USP34: variants seen among roughly 807,000 people sequenced by gnomAD.
USP34 encodes ubiquitin carboxyl-terminal hydrolase 34.
USP34 carries 70 observed loss-of-function variants against 460.3 expected under a neutral mutation model. That is an observed-to-expected ratio of 0.15 (90% CI 0.13 to 0.19). The LOEUF (loss-of-function observed/expected upper bound fraction) is 0.19, where lower values mean the gene tolerates loss of function less well. Ranked by LOEUF, USP34 falls within the 10% of genes least tolerant of loss-of-function variation. USP34 has a pLI of 1.00. For synonymous variants in USP34, 1,647 were observed against 1,405.3 expected (o/e 1.17, Z -3.85); for missense variants, 3,985 against 4,236.2 (o/e 0.94, Z 1.65).
rs372057960 is a variant in USP34, at chr2:61,301,020, A to T, written c.4059T>A (p.Leu1353=). The change falls in exon 29 of 80, where the codon CTT becomes CTA. Residue 1353 remains leucine, a synonymous_variant. Transcript: ENST00000398571. ...LLLQEPHLTT[L]FDLLEMLASF... The stretch of plus-strand genomic sequence containing the variant: ...ATGCAAGCATCTCTAATAAATCAAA[A>T]AGAGTAGTTAAATGAGGCTCTTGTA... 1.2e-6 allele frequency: 2 copies of T among 1,614,030 alleles called. No homozygotes were observed. Among genetic ancestry groups the T allele is most frequent in the African/African-American group, 1.3e-5 (1 of 75,030 alleles).
At chr2:61,298,956 T>C (rs896039811) in intron 29 of USP34, among the ~76,000 whole-genome samples, 8 of 151,998 alleles carry the variant, frequency 5.3e-5, no homozygotes, top group Non-Finnish European at 1.0e-4. Flanking sequence ...TGGACCCAAT[T>C]TGAACAACTC....
At chr2:61,190,117 G>A (rs1686587575) in intron 78 of USP34, 154 bp downstream of exon 78, 1 of 949,326 alleles carries the variant, frequency 1.1e-6, no homozygotes, top group Non-Finnish European at 1.5e-6. Context: ...ACAAGGCATA[G>A]TAAACGTGTA....
intron 1 of USP34, among the ~76,000 whole-genome samples, chr2:61,430,603 C>T (rs1325799837): frequency 6.6e-6 from 1 of 152,100 alleles, no homozygotes; most frequent in Non-Finnish European, 1.5e-5. Flanking sequence ...TTACAATAGA[C>T]TAACCTTATT....
chr2:61,349,408 T>TCC (rs1205595404), intron 12 of USP34, 123 bp from the exon 13 acceptor site: 8 of 934,766 alleles, frequency 8.6e-6, no homozygotes, highest in Non-Finnish European at 9.6e-6. Context: ...GCAATAAGGT[T>TCC]AAGTCCCCAC....
intron 18 of USP34, among the ~76,000 whole-genome samples, chr2:61,334,583 C>T (rs1351174454): frequency 1.3e-5 from 2 of 152,082 alleles, no homozygotes; most frequent in Non-Finnish European, 2.9e-5. Flanking sequence ...GCCAATACTG[C>T]TTCATGAAAA....
chr2:61,389,597 T>C (rs936624078), intron 5 of USP34, among the ~76,000 whole-genome samples: 1 of 152,106 alleles, frequency 6.6e-6, no homozygotes, highest in East Asian at 1.9e-4. Context: ...GAAAACAAAA[T>C]TACATACTAT....
In USP34 at chr2:61,220,312, G is replaced by A; in HGVS notation, c.8045C>T (p.Thr2682Ile). 6.2e-7 allele frequency: 1 copy of A among 1,605,756 alleles called. No homozygotes were observed. Among genetic ancestry groups the A allele is most frequent in the Non-Finnish European group, 8.5e-7 (1 of 1,177,238 alleles). ...LLAHNYPRVR[T>I]SAAYLLVSLI... Reference sequence around the variant, plus strand: ...GAAATTCTAAATATTTGACTTACAAGTCCTCACTCTAGGATAATTGTGAGC... The same window carrying A: ...GAAATTCTAAATATTTGACTTACAAATCCTCACTCTAGGATAATTGTGAGC... Residue 2682 changes from threonine to isoleucine, a missense_variant and splice_region_variant, in exon 67 of 80, where the codon ACT becomes ATT. By Grantham distance (89) the Thr-to-Ile change is moderately conservative. This residue lies in a region of USP34 where 604 missense variants were observed against 684.8 expected (regional missense o/e 0.88). Coordinates refer to ENST00000398571, the MANE Select transcript of USP34 (RefSeq NM_014709.4).
rs983650280 is a variant in USP34 at position 61,229,689 on chromosome 2, GA to G, written c.7114-57del. ...CCAACTCATCAGGTAACAAAGATTT[GA>G]AAAATTAACATGATTCAAAATTCTC... On this transcript the variant is annotated intron_variant, in intron 58 of 79. Transcript: ENST00000398571. 9.6e-6 allele frequency: 14 copies of G among 1,458,484 alleles called. No homozygotes were observed. In the African/African-American group the frequency reaches 1.7e-4, roughly 18 times the overall value. The allele number at this position is 1,458,484 out of a possible 1,614,324, so 90.3% of individuals were successfully genotyped here. A position where few individuals can be genotyped will look rare whatever the true frequency, so the allele number is the denominator to read the frequency against.
intron 1 of USP34, among the ~76,000 whole-genome samples, chr2:61,450,472 G>A (rs746328295): frequency 1.6e-4 from 25 of 152,038 alleles, no homozygotes; most frequent in Non-Finnish European, 2.1e-4. Flanking sequence ...AATTATTTTC[G>A]CACCAACCCA....
At chr2:61,329,521 A>T (rs1572940022) in intron 20 of USP34, among the ~76,000 whole-genome samples, 1 of 152,310 alleles carries the variant, frequency 6.6e-6, no homozygotes, top group Non-Finnish European at 1.5e-5. Context: ...GTAAATAGAA[A>T]TACCCCAGAA....
chr2:61,455,052 T>C (rs999697255), intron 1 of USP34, among the ~76,000 whole-genome samples: 1 of 151,762 alleles, frequency 6.6e-6, no homozygotes, highest in African/African-American at 2.4e-5. Flanking sequence ...AAGCTAATTT[T>C]TGTATTTTTA....
At chr2:61,288,923 G>T (rs756471065) in intron 33 of USP34, 46 bp from the exon 34 acceptor site, 10 of 1,578,292 alleles carry the variant, frequency 6.3e-6, no homozygotes, top group Non-Finnish European at 3.5e-6. Flanking sequence ...CATTAATTTA[G>T]AATGGCCACA....
chr2:61,449,098 G>A (rs574223402), intron 1 of USP34, among the ~76,000 whole-genome samples: 46 of 151,936 alleles, frequency 3.0e-4, no homozygotes, highest in Non-Finnish European at 5.6e-4. Context: ...TGGATGTTGC[G>A]GTGAGCCAAG....
At position 61,436,658 on chromosome 2, in the gene USP34, T is replaced by G. The variant is rs184350515; in HGVS notation, c.44-15825A>C. Among the ~76,000 whole-genome samples, 208 of 152,266 alleles carry G rather than the reference T, an allele frequency of 1.4e-3. No homozygotes were observed. The Middle Eastern group carries it at 0.024, about 17-fold the overall frequency. ...CTAGACAGAATATAACAAAGAAACATAGTTTTCAACTGCATCATAGACCAA... is the reference window on the plus strand; with the variant it reads ...CTAGACAGAATATAACAAAGAAACAGAGTTTTCAACTGCATCATAGACCAA... On this transcript the variant is annotated intron_variant, in intron 1 of 79. Coordinates refer to ENST00000398571, the MANE Select transcript of USP34 (RefSeq NM_014709.4).
At chr2:61,442,099 C>T (rs1478499391) in intron 1 of USP34, among the ~76,000 whole-genome samples, 1 of 152,062 alleles carries the variant, frequency 6.6e-6, no homozygotes, top group Non-Finnish European at 1.5e-5. Context: ...TATACCCTCA[C>T]TCCTCTACAT....
intron 1 of USP34, among the ~76,000 whole-genome samples, chr2:61,438,314 T>TAA (rs946917593): frequency 6.7e-6 from 1 of 148,880 alleles, no homozygotes; most frequent in African/African-American, 2.5e-5. Context: ...CATTCGTGAT[T>TAA]AAAAAAAAAA....
chr2:61,302,241 T>A (rs553071626), intron 27 of USP34, among the ~76,000 whole-genome samples: 2 of 152,238 alleles, frequency 1.3e-5, no homozygotes, highest in Non-Finnish European at 2.9e-5. Context: ...AAAACTCCAC[T>A]GAACAGACAC....
chr2:61,434,575 C>T (rs1694762281), intron 1 of USP34, among the ~76,000 whole-genome samples: 1 of 152,178 alleles, frequency 6.6e-6, no homozygotes, highest in African/African-American at 2.4e-5. Context: ...AGCCAACCCC[C>T]CTGGCAAAGC....
rs781381982 is a variant in USP34, at chr2:61,235,896, C to T, written c.6981G>A (p.Gln2327=). 3.7e-6 allele frequency: 6 copies of T among 1,613,488 alleles called. No individual in the cohort carries two copies. The Admixed American group carries it at 1.0e-4, about 27-fold the overall frequency. The change falls in exon 57 of 80, where the codon CAG becomes CAA. Residue 2327 remains glutamine (Q), a synonymous_variant. Coordinates refer to ENST00000398571, the MANE Select transcript of USP34 (RefSeq NM_014709.4). ...ACTGTTTCGTCAACAGTTCAATCCACTGAAGCATCGTGGGCTAGAAAAGAA... is the reference window on the plus strand; with the variant it reads ...ACTGTTTCGTCAACAGTTCAATCCATTGAAGCATCGTGGGCTAGAAAAGAA... ...IHSKEKPTML[Q]WIELLTKQFN...
Sources: gnomAD v4.1 joint callset for allele counts (sites outside exome capture counted in the v4.1 genomes callset) on GRCh38, gnomAD v4.1.1 for gene constraint, gnomAD v4.1.1 regional missense constraint, MANE v1.5 for transcripts, NCBI Gene and HGNC (gene_info 2026-07-23, HGNC 2026-07-21) for gene names.